Variants in BNIP1 observed in about 807,000 individuals in gnomAD.
BNIP1 encodes BCL2 interacting protein 1.
A neutral mutation model predicts 28.5 loss-of-function variants in BNIP1; 25 were observed. The ratio of observed to expected loss-of-function variants is 0.88; its 90% CI spans 0.64 to 1.23. BNIP1 has a LOEUF of 1.23. BNIP1 is among the 50% of genes most tolerant of loss of function. The pLI is 0.00. For synonymous variants in BNIP1, 118 were observed against 101.7 expected (o/e 1.16, Z -0.96); for missense variants, 276 against 277.0 (o/e 1.00, Z 0.02).
chr5:173,147,433 CA>C (rs1186670946), intron 2 of BNIP1, among the ~76,000 whole-genome samples: 1 of 151,904 alleles, frequency 6.6e-6, no homozygotes, highest in Admixed American at 6.6e-5. Context: ...CTTTTGCATG[CA>C]GAACACTGCC....
chr5:173,154,519 G>T, intron 3 of BNIP1, 106 bp downstream of exon 3: 3 of 859,734 alleles, frequency 3.5e-6, no homozygotes, highest in Non-Finnish European at 5.2e-6. Flanking sequence ...CTGACTTAAT[G>T]GTGTCTTTTT....
At chr5:173,155,769 C>G (rs1760169435) in intron 3 of BNIP1, among the ~76,000 whole-genome samples, 1 of 152,006 alleles carries the variant, frequency 6.6e-6, no homozygotes, top group African/African-American at 2.4e-5. Flanking sequence ...GTTGCCCAGT[C>G]TGGAGTACAG....
chr5:173,158,485 T>C (rs1295653393), intron 3 of BNIP1, among the ~76,000 whole-genome samples: 1 of 152,200 alleles, frequency 6.6e-6, no homozygotes, highest in Non-Finnish European at 1.5e-5. Flanking sequence ...TCACAGCCCC[T>C]TGGGCTGACG....
At position 173,154,384 on chromosome 5, in the gene BNIP1, A is replaced by G. The variant is rs1228027994; in HGVS notation, c.240A>G (p.Glu80=). The change falls in exon 3 of 6, where the codon GAA becomes GAG. Residue 80 remains glutamate, a synonymous_variant. Transcript: ENST00000351486. The part of the protein sequence containing the change: ...KESEKQLLLQ[E]VENHKKQMLS... ...CAGAGAAACAACTTCTACTCCAGGA[A>G]GTGGAGAATCACAAAAAGCAGATGC... is the stretch of plus-strand genomic sequence containing the variant. 2.5e-6 allele frequency: 4 copies of G among 1,613,820 alleles called. No individual in the cohort carries two copies. The highest frequency in any genetic ancestry group is 3.4e-6 in the Non-Finnish European group (4 of 1,179,916).
At chr5:173,147,993 G>T (rs1359262758) in intron 2 of BNIP1, among the ~76,000 whole-genome samples, 1 of 142,612 alleles carries the variant, frequency 7.0e-6, no homozygotes, top group African/African-American at 2.6e-5. Context: ...AACCCAGGAG[G>T]TGCAGGTTGC....
chr5:173,158,664 T>C (rs890528070), intron 3 of BNIP1, 80 bp from the exon 4 acceptor site: 1 of 1,150,024 alleles, frequency 8.7e-7, no homozygotes, highest in Non-Finnish European at 1.3e-6. Context: ...TGTGCCTTTG[T>C]TGGGGGGAAG....
intron 2 of BNIP1, among the ~76,000 whole-genome samples, chr5:173,147,727 A>G (rs1467146433): frequency 6.6e-6 from 1 of 152,088 alleles, no homozygotes; most frequent in Non-Finnish European, 1.5e-5. Flanking sequence ...GACAAGTAGC[A>G]GTTATGTTTG....
At chr5:173,159,585 T>C (rs1760303870) in intron 4 of BNIP1, among the ~76,000 whole-genome samples, 1 of 152,174 alleles carries the variant, frequency 6.6e-6, no homozygotes, top group South Asian at 2.1e-4. Context: ...GTTTAAGTAG[T>C]GTAAGTAATA....
chr5:173,164,289 G>C lies in BNIP1; in HGVS notation c.*368G>C. ...AATGCCAGATCTGGTGGAGGGAAGA[G>C]AGAAGAGGTAGGAAGAAAGGTGATG... is the stretch of plus-strand genomic sequence containing the variant. On this transcript the variant is annotated 3_prime_UTR_variant, in exon 6 of 6. Transcript: ENST00000351486. The surrounding 1 kb of genome is among the most constrained non-coding windows in gnomAD (Gnocchi z 4.0). The C allele has an allele frequency of 5.3e-6, 1 of 187,326 alleles. No homozygotes were observed. The allele number at this position is 187,326 out of a possible 1,614,324, so 11.6% of individuals were successfully genotyped here.
At chr5:173,146,810 T>C (rs1581066821) in intron 1 of BNIP1, 56 bp from the exon 2 acceptor site, 1 of 1,292,570 alleles carries the variant, frequency 7.7e-7, no homozygotes. Flanking sequence ...GTATGGATGG[T>C]GTCATTTCAT....
intron 4 of BNIP1, among the ~76,000 whole-genome samples, 194 bp downstream of exon 4, chr5:173,159,039 A>ATT (rs140051067): frequency 6.8e-6 from 1 of 147,074 alleles, no homozygotes. Flanking sequence ...AAAATATTGA[A>ATT]TTTTTTTTTT....
intron 3 of BNIP1, among the ~76,000 whole-genome samples, chr5:173,157,060 C>CTGTT (rs1355610606): frequency 1.3e-5 from 2 of 152,148 alleles, no homozygotes; most frequent in Non-Finnish European, 2.9e-5. Flanking sequence ...CAGTGAGTAT[C>CTGTT]TGTTTGCTTG....
intron 2 of BNIP1, chr5:173,151,600 C>T: frequency 6.2e-7 from 1 of 1,606,864 alleles, no homozygotes. Context: ...ATTTGGACTG[C>T]TTCCACATTT....
At chr5:173,157,543 T>A (rs1476593453) in intron 3 of BNIP1, among the ~76,000 whole-genome samples, 3 of 151,992 alleles carry the variant, frequency 2.0e-5, no homozygotes, top group African/African-American at 7.3e-5. Context: ...GACTCCCGAG[T>A]AGCTGGGATT....
At chr5:173,155,857 C>T (rs998194237) in intron 3 of BNIP1, among the ~76,000 whole-genome samples, 1 of 152,156 alleles carries the variant, frequency 6.6e-6, no homozygotes, top group East Asian at 1.9e-4. Context: ...GTTGGGACTA[C>T]AGCACACTCC....
chr5:173,163,997 T>G lies in BNIP1; in HGVS notation c.*76T>G. 7.1e-7 allele frequency: 1 copy of G among 1,409,948 alleles called. No individual in the cohort carries two copies. Among genetic ancestry groups the G allele is most frequent in the Non-Finnish European group, 9.5e-7 (1 of 1,053,718 alleles). The allele number at this position is 1,409,948 out of a possible 1,614,324, so 87.3% of individuals were successfully genotyped here. ...TCCTGGTTCCTGAGCTCTAGGCTGC[T>G]AAGCTGAGCCACACACCCCTCCGTT... On this transcript the variant is annotated 3_prime_UTR_variant, in exon 6 of 6. Transcript: ENST00000351486.
intron 5 of BNIP1, 112 bp from the exon 6 acceptor site, chr5:173,163,611 CAG>C: frequency 1.0e-6 from 1 of 961,558 alleles, no homozygotes; most frequent in Non-Finnish European, 1.5e-6. Context: ...GATTCCAGCT[CAG>C]AGGAACTCAC....
intron 3 of BNIP1, among the ~76,000 whole-genome samples, chr5:173,157,908 TTTTG>T (rs1760246194): frequency 1.3e-5 from 2 of 151,484 alleles, no homozygotes; most frequent in African/African-American, 2.4e-5. Context: ...AAGATTGGCT[TTTTG>T]TGTGTGTGTG....
rs1019480651 is a variant in BNIP1 at position 173,147,089 on chromosome 5, A to T, written c.177+131A>T. ...ACTTAGACAGGGAGGGTGACTCTGT[A>T]CTAACCTGCTCTCCAGGTAAAAACG... On this transcript the variant is annotated intron_variant, in intron 2 of 5. Transcript: ENST00000351486. The T allele has an allele frequency of 2.4e-5, 16 of 670,314 alleles. No individual in the cohort carries two copies. The African/African-American group carries it at 2.7e-4, about 11-fold the overall frequency. 41.5% of individuals were successfully genotyped at this position (670,314 alleles called of 1,614,324 possible).
Sources: allele counts gnomAD v4.1 joint callset (sites outside exome capture counted in the v4.1 genomes callset), GRCh38; gene constraint gnomAD v4.1.1; non-coding constraint Gnocchi (gnomAD v3.1); transcripts MANE v1.5; gene names NCBI Gene and HGNC (gene_info 2026-07-23, HGNC 2026-07-21).